PRKD3: variants seen among roughly 807,000 people sequenced by gnomAD.
PRKD3 encodes serine/threonine-protein kinase D3.
Under a neutral mutation model 99.2 loss-of-function variants are expected in PRKD3, and 47 were observed. The observed-to-expected ratio is 0.47, with a 90% CI of 0.38 to 0.60. PRKD3 has a LOEUF of 0.60. Among genes scored for constraint, PRKD3 ranks in the 20% least tolerant of loss-of-function variants. The probability of loss-of-function intolerance (pLI) is 0.00; values close to 1 mark genes in which losing one functional copy is unlikely to be tolerated. For synonymous variants in PRKD3, 392 were observed against 355.4 expected (o/e 1.10, Z -1.16); for missense variants, 1,019 against 1,088.4 (o/e 0.94, Z 0.90).
chr2:37,292,236 G>A (rs746119510), intron 3 of PRKD3, among the ~76,000 whole-genome samples: 4 of 152,042 alleles, frequency 2.6e-5, no homozygotes, highest in Non-Finnish European at 5.9e-5. Flanking sequence ...GAATTTCAGT[G>A]TAACTGTTTT....
At position 37,256,799 on chromosome 2, in the gene PRKD3, A is replaced by AT; in HGVS notation, c.2275dup (p.Met759AsnfsTer19). ...ATAGATGATAACTCCCACTGACCAC[A>AT]TATCTAGGGAACGGTTGTAACCTTT... On this transcript the variant is annotated frameshift_variant, in exon 17 of 19. Transcript: ENST00000234179. LOFTEE classifies it high-confidence loss of function. The AT allele has an allele frequency of 6.2e-7, 1 of 1,614,026 alleles. No homozygotes were observed. The highest frequency in any genetic ancestry group is 8.5e-7 in the Non-Finnish European group (1 of 1,179,992).
In PRKD3 at chr2:37,267,459, G is replaced by A; in HGVS notation, c.1855C>T (p.Gln619Ter). 1 of 1,606,528 alleles carries A rather than the reference G, an allele frequency of 6.2e-7. No homozygotes were observed. The highest frequency in any genetic ancestry group is 1.1e-5 in the South Asian group (1 of 90,002). ...KMRFPTKQESQLRNEVAILQN... is the reference protein window; with the variant it reads ...KMRFPTKQES ...AAAATAGCCACTTCATTACGGAGTT[G>A]ACTTTCTTGTTTTGTGGGGAATCTC... is the stretch of plus-strand genomic sequence containing the variant. The change falls in exon 14 of 19, where the codon CAA becomes TAA. Residue 619 changes from glutamine to a stop codon, truncating the protein, a stop_gained. Coordinates refer to ENST00000234179, the MANE Select transcript of PRKD3 (RefSeq NM_005813.6). LOFTEE classifies it high-confidence loss of function.
intron 2 of PRKD3, among the ~76,000 whole-genome samples, chr2:37,296,344 G>T (rs901276373): frequency 3.3e-5 from 5 of 152,098 alleles, no homozygotes; most frequent in African/African-American, 1.2e-4. Flanking sequence ...GGTATTAAGA[G>T]ACTTAAAAGC....
chr2:37,254,083 A>G, intron 18 of PRKD3, 121 bp downstream of exon 18: 1 of 713,134 alleles, frequency 1.4e-6, no homozygotes, highest in Admixed American at 2.3e-5. Context: ...CATAGTACAA[A>G]TTAATCACTT....
Position 37,286,161 on chromosome 2 carries a change from AAACACC to A in PRKD3, c.910+10_910+15del. 6.4e-7 allele frequency: 1 copy of A among 1,554,532 alleles called. No homozygotes were observed. The highest frequency in any genetic ancestry group is 1.2e-5 in the South Asian group (1 of 82,290). On this transcript the variant is annotated intron_variant, in intron 6 of 18. Coordinates refer to ENST00000234179, the MANE Select transcript of PRKD3 (RefSeq NM_005813.6). ...AACAGACATAAATTTTAATTAGGGA[AAACACC>A]TAATCCTACCTTTACACTGCATTCC...
intron 9 of PRKD3, among the ~76,000 whole-genome samples, chr2:37,277,254 CCATT>C (rs1401057439): frequency 1.3e-5 from 2 of 152,164 alleles, no homozygotes; most frequent in South Asian, 2.1e-4. Flanking sequence ...TAGGTGGTTA[CCATT>C]ATTATGCCAA....
rs1667612720 is a variant in PRKD3 at position 37,252,847 on chromosome 2, T to TATATA, written c.*329_*330insTATAT. ...AAAACAAACAAACATATATTTATAT[T>TATATA]TATATATATATATATAAAGAGAAAT... is the stretch of plus-strand genomic sequence containing the variant. On this transcript the variant is annotated 3_prime_UTR_variant, in exon 19 of 19. Transcript: ENST00000234179. The TATATA allele has an allele frequency of 6.9e-6, 1 of 145,014 alleles. No individual in the cohort carries two copies. Among genetic ancestry groups the TATATA allele is most frequent in the Non-Finnish European group, 1.5e-5 (1 of 66,512 alleles). 9.0% of individuals were successfully genotyped at this position (145,014 alleles called of 1,614,324 possible).
intron 2 of PRKD3, among the ~76,000 whole-genome samples, chr2:37,306,630 G>A (rs970316541): frequency 1.3e-5 from 2 of 152,086 alleles, no homozygotes; most frequent in African/African-American, 4.8e-5. Flanking sequence ...GCAACATGGT[G>A]AAACCCCATC....
chr2:37,316,338 G>C lies in PRKD3; in HGVS notation c.187C>G (p.Leu63Val), dbSNP rs373090517. ...TCCCGTGTGAGGCCAATTTGCAGTA[G>C]AAATGAAACTGTATGCACTGAGCCT... ...SRGSVHTVSFLLQIGLTRESV... is the reference protein window; with the variant it reads ...SRGSVHTVSFVLQIGLTRESV... The change falls in exon 2 of 19, where the codon CTA becomes GTA. Residue 63 changes from leucine to valine, a missense_variant. By Grantham distance (32) the Leu-to-Val change is conservative. Around this residue, in one of 3 missense-constraint regions of PRKD3, gnomAD observed 710 missense variants for 692.7 expected, o/e 1.02. Transcript: ENST00000234179. The C allele has an allele frequency of 1.2e-5, 19 of 1,614,106 alleles. No homozygotes were observed. Among genetic ancestry groups the C allele is most frequent in the Non-Finnish European group, 1.6e-5 (19 of 1,180,044 alleles).
rs748098933 is a variant in PRKD3, at chr2:37,316,299, C to G, written c.226G>C (p.Glu76Gln). ...IGLTRESVTI[E>Q]AQELSLSAVK... The stretch of plus-strand genomic sequence containing the variant: ...GCAGATAAAGACAGTTCCTGGGCTT[C>G]AATGGTAACACTCTCCCGTGTGAGG... Residue 76 changes from glutamate (E) to glutamine (Q), a missense_variant, in exon 2 of 19, where the codon GAA becomes CAA. Coordinates refer to ENST00000234179, the MANE Select transcript of PRKD3 (RefSeq NM_005813.6). The G allele has an allele frequency of 6.2e-7, 1 of 1,614,218 alleles. No individual in the cohort carries two copies. The highest frequency in any genetic ancestry group is 8.5e-7 in the Non-Finnish European group (1 of 1,180,038).
Position 37,260,408 on chromosome 2 carries a change from T to C in PRKD3, c.1885-24A>G, listed in dbSNP as rs377473367. The C allele has an allele frequency of 6.3e-6, 10 of 1,587,934 alleles. No homozygotes were observed. The African/African-American group carries it at 8.1e-5, about 13-fold the overall frequency. ...TTCTGAAGAGAGGTTGCAAGATACA[T>C]GAGCAACTTAAGCAGAGAAACAGTT... On this transcript the variant is annotated intron_variant, in intron 14 of 18. Coordinates refer to ENST00000234179, the MANE Select transcript of PRKD3 (RefSeq NM_005813.6).
At chr2:37,268,193 A>G in intron 13 of PRKD3, 1 of 404,742 alleles carries the variant, frequency 2.5e-6, no homozygotes, top group Non-Finnish European at 5.0e-6. Context: ...GCTCTTCTCT[A>G]CATAGCTATT....
intron 13 of PRKD3, chr2:37,267,854 C>T (rs1204253606): frequency 3.9e-6 from 1 of 259,030 alleles, no homozygotes. Flanking sequence ...GAGACTCTGT[C>T]AAGATGGAAA....
Position 37,272,430 on chromosome 2 carries a change from C to T in PRKD3, c.1654G>A (p.Asp552Asn). Residue 552 changes from aspartate (D) to asparagine (N), a missense_variant and splice_region_variant, in exon 12 of 19, where the codon GAT becomes AAT. Physicochemically the swap from Asp to Asn is conservative, Grantham distance 23 (BLOSUM62 1). Transcript: ENST00000234179. ...TSPGQGKDHKDLSTSISVSNC... is the reference protein window; with the variant it reads ...TSPGQGKDHKNLSTSISVSNC... ...GATACAGAGATACTTGTAGACAAAT[C>T]TTCTGTAAAATATAAAAAAGACAAA... The T allele has an allele frequency of 1.2e-6, 2 of 1,601,156 alleles. No individual in the cohort carries two copies. The highest frequency in any genetic ancestry group is 1.7e-6 in the Non-Finnish European group (2 of 1,176,260).
intron 2 of PRKD3, among the ~76,000 whole-genome samples, chr2:37,314,284 G>A (rs1158876453): frequency 2.6e-5 from 4 of 152,194 alleles, no homozygotes; most frequent in Non-Finnish European, 5.9e-5. Flanking sequence ...AAGAGTCATT[G>A]TAAAATTCAG....
intron 7 of PRKD3, among the ~76,000 whole-genome samples, chr2:37,280,454 A>G (rs1342730348): frequency 6.6e-6 from 1 of 152,250 alleles, no homozygotes; most frequent in Non-Finnish European, 1.5e-5. Flanking sequence ...AAAAGATACT[A>G]TAAATGCGGA....
chr2:37,310,362 A>C (rs1438397287), intron 2 of PRKD3, among the ~76,000 whole-genome samples: 1 of 152,220 alleles, frequency 6.6e-6, no homozygotes, highest in Non-Finnish European at 1.5e-5. Context: ...TTTTAGAAAC[A>C]TATCATTTAA....
intron 2 of PRKD3, among the ~76,000 whole-genome samples, chr2:37,313,087 A>G (rs1671508917): frequency 6.6e-6 from 1 of 152,242 alleles, no homozygotes; most frequent in Admixed American, 6.5e-5. Context: ...TCAGATGCAT[A>G]TTATATAAAC....
chr2:37,276,666 C>A (rs1669583443), intron 9 of PRKD3, among the ~76,000 whole-genome samples: 1 of 151,438 alleles, frequency 6.6e-6, no homozygotes, highest in South Asian at 2.1e-4. Context: ...ATTTATTGAT[C>A]TTTTATTCTT....
Sources: allele counts gnomAD v4.1 joint callset (sites outside exome capture counted in the v4.1 genomes callset), GRCh38; gene constraint gnomAD v4.1.1; regional missense constraint gnomAD v4.1.1; transcripts MANE v1.5; gene names NCBI Gene and HGNC (gene_info 2026-07-23, HGNC 2026-07-21).